ANKS1B: variants seen among roughly 807,000 people sequenced by gnomAD.
The protein encoded by ANKS1B is ankyrin repeat and sterile alpha motif domain-containing protein 1B.
In ANKS1B, 36 loss-of-function variants were observed where a neutral mutation model predicts 148.3. That is an observed-to-expected ratio of 0.24 (90% CI 0.19 to 0.32). The LOEUF is 0.32. Among genes scored for constraint, ANKS1B ranks in the 10% least tolerant of loss-of-function variants. ANKS1B has a pLI of 1.00. For missense variants in ANKS1B, 1,157 were observed against 1,542.6 expected, an observed-to-expected ratio of 0.75 and a Z score of 4.19; for synonymous variants, 542 against 560.8, an observed-to-expected ratio of 0.97 and a Z score of 0.47.
chr12:98,979,154 T>A (rs868680578), intron 17 of ANKS1B, among the ~76,000 whole-genome samples: 5 of 149,342 alleles, frequency 3.3e-5, no homozygotes, highest in South Asian at 2.1e-4. Context: ...AAAAAAGAAA[T>A]TTTTTTTTAA....
intron 10 of ANKS1B, among the ~76,000 whole-genome samples, chr12:99,495,350 T>C (rs1482115701): frequency 6.7e-6 from 1 of 148,380 alleles, no homozygotes; most frequent in South Asian, 2.1e-4. Flanking sequence ...AAAGTGTGTG[T>C]GTGTGTGTGT....
chr12:99,611,407 A>ATGTT (rs938889221), intron 9 of ANKS1B, among the ~76,000 whole-genome samples: 34 of 152,092 alleles, frequency 2.2e-4, no homozygotes, highest in African/African-American at 6.3e-4. Flanking sequence ...CCTCAAATAC[A>ATGTT]TGTTTGTTTG....
chr12:98,933,555 T>C (rs1366831759), intron 17 of ANKS1B, among the ~76,000 whole-genome samples: 6 of 149,272 alleles, frequency 4.0e-5, no homozygotes, highest in Non-Finnish European at 7.4e-5. Flanking sequence ...CATATGTTTG[T>C]TTTTTTTAAG....
chr12:99,448,795 G>A (rs978524966), intron 10 of ANKS1B, among the ~76,000 whole-genome samples: 1 of 151,934 alleles, frequency 6.6e-6, no homozygotes, highest in African/African-American at 2.4e-5. Context: ...TTGGCCTGAG[G>A]AACTAAAAGG....
chr12:98,743,941 G>A, downstream of ANKS1B: 1 of 929,788 alleles, frequency 1.1e-6, no homozygotes. Flanking sequence ...ATGGGAGTGG[G>A]GAAGGTGCTC....
At chr12:99,560,793 G>A (rs2097325685) in intron 9 of ANKS1B, among the ~76,000 whole-genome samples, 1 of 150,590 alleles carries the variant, frequency 6.6e-6, no homozygotes, top group African/African-American at 2.4e-5. Context: ...TATTCTGGGT[G>A]GTGGTTGCTG....
chr12:99,186,051 T>C (rs572609196), intron 14 of ANKS1B, among the ~76,000 whole-genome samples: 2 of 152,262 alleles, frequency 1.3e-5, no homozygotes, highest in Non-Finnish European at 2.9e-5. Flanking sequence ...TCCAGCTTGG[T>C]TGGGGAAGGG....
At chr12:98,948,810 A>C (rs1233384663) in intron 17 of ANKS1B, among the ~76,000 whole-genome samples, 1 of 150,270 alleles carries the variant, frequency 6.7e-6, no homozygotes, top group East Asian at 2.0e-4. Flanking sequence ...TGGGAGATTA[A>C]GCAACAGGCT....
intron 10 of ANKS1B, among the ~76,000 whole-genome samples, chr12:99,480,062 A>T (rs2096386189): frequency 6.6e-6 from 1 of 151,876 alleles, no homozygotes; most frequent in South Asian, 2.1e-4. Flanking sequence ...AAATTTAAAA[A>T]AATACATAGA....
intron 12 of ANKS1B, among the ~76,000 whole-genome samples, chr12:99,336,062 A>G (rs1383547086): frequency 6.6e-6 from 1 of 152,112 alleles, no homozygotes. Context: ...AGCCATTTTA[A>G]TTGGGGTGAG....
intron 17 of ANKS1B, among the ~76,000 whole-genome samples, chr12:98,971,289 T>G (rs896566697): frequency 6.6e-6 from 1 of 152,228 alleles, no homozygotes; most frequent in Non-Finnish European, 1.5e-5. Flanking sequence ...ATGAGATAAC[T>G]GATGTGAAAA....
intron 1 of ANKS1B, among the ~76,000 whole-genome samples, chr12:99,840,214 T>A (rs562614601): frequency 1.3e-5 from 2 of 152,040 alleles, no homozygotes; most frequent in Non-Finnish European, 2.9e-5. Flanking sequence ...TCTGGGATAA[T>A]AGGGCAACTT....
chr12:99,612,046 T>C (rs1415409870), intron 9 of ANKS1B, among the ~76,000 whole-genome samples: 1 of 152,004 alleles, frequency 6.6e-6, no homozygotes, highest in African/African-American at 2.4e-5. Context: ...AATATGATGA[T>C]TAGAGCAAAA....
intron 17 of ANKS1B, among the ~76,000 whole-genome samples, chr12:98,850,788 GGAA>G (rs1567151128): frequency 6.4e-4 from 5 of 7,822 alleles, no homozygotes; most frequent in Admixed American, 1.8e-3. Context: ...TTTTTAAGAT[GGAA>G]AAAAAAAAAA....
chr12:99,215,827 T>C (rs558826344), intron 14 of ANKS1B, among the ~76,000 whole-genome samples: 4 of 152,360 alleles, frequency 2.6e-5, no homozygotes, highest in Non-Finnish European at 4.4e-5. Context: ...GATGAGACTT[T>C]GGACTGTGGA....
At chr12:99,150,255 A>T (rs1193775005) in intron 15 of ANKS1B, among the ~76,000 whole-genome samples, 1 of 152,208 alleles carries the variant, frequency 6.6e-6, no homozygotes, top group Non-Finnish European at 1.5e-5. Flanking sequence ...ACTTGTGAGG[A>T]AAGCAAGGAA....
At chr12:99,440,724 T>C (rs957141843) in intron 11 of ANKS1B, among the ~76,000 whole-genome samples, 15 of 151,824 alleles carry the variant, frequency 9.9e-5, no homozygotes, top group Non-Finnish European at 1.9e-4. Flanking sequence ...CAGAAACACA[T>C]GCAATGTGTT....
intron 15 of ANKS1B, among the ~76,000 whole-genome samples, chr12:99,117,390 T>C (rs184707504): frequency 6.6e-6 from 1 of 152,228 alleles, no homozygotes; most frequent in Admixed American, 6.5e-5. Context: ...CCTAGCTTAT[T>C]GAGTTTTTAG....
chr12:99,503,549 A>G (rs980901549), intron 10 of ANKS1B, among the ~76,000 whole-genome samples: 1 of 152,058 alleles, frequency 6.6e-6, no homozygotes, highest in African/African-American at 2.4e-5. Flanking sequence ...TTATCCTAAC[A>G]TAAACCAGCT....
Sources: gnomAD v4.1 joint callset for allele counts (sites outside exome capture counted in the v4.1 genomes callset) on GRCh38, gnomAD v4.1.1 for gene constraint, MANE v1.5 for transcripts, NCBI Gene and HGNC (gene_info 2026-07-23, HGNC 2026-07-21) for gene names.